NCOA1: variants seen among roughly 807,000 people sequenced by gnomAD.
NCOA1 encodes Hin-2 protein.
Under a neutral mutation model 150.9 loss-of-function variants are expected in NCOA1, and 35 were observed. That is an observed-to-expected ratio of 0.23 (90% CI 0.18 to 0.31). The LOEUF is 0.31. Among genes scored for constraint, NCOA1 ranks in the 10% least tolerant of loss-of-function variants. The pLI is 1.00. For synonymous variants in NCOA1, 590 were observed against 630.0 expected (o/e 0.94, Z 0.95); for missense variants, 1,491 against 1,749.3 (o/e 0.85, Z 2.63).
At chr2:24,522,555 C>T (rs971855883) in intron 1 of NCOA1, among the ~76,000 whole-genome samples, 3 of 152,140 alleles carry the variant, frequency 2.0e-5, no homozygotes, top group African/African-American at 4.8e-5. Flanking sequence ...CCAGAGTGTA[C>T]ACCAGACGGA....
intron 3 of NCOA1, among the ~76,000 whole-genome samples, chr2:24,634,708 A>ACCAC (rs1669857571): frequency 2.5e-5 from 1 of 39,716 alleles, no homozygotes; most frequent in Non-Finnish European, 4.3e-5. Context: ...TAGGGGAGGA[A>ACCAC]CCCCCCCCCC....
At chr2:24,641,285 A>C (rs1670204737) in intron 3 of NCOA1, among the ~76,000 whole-genome samples, 1 of 151,260 alleles carries the variant, frequency 6.6e-6, no homozygotes, top group African/African-American at 2.4e-5. Flanking sequence ...TTAATATATT[A>C]TAAACTCCAC....
chr2:24,624,358 A>C (rs759961756), intron 3 of NCOA1, among the ~76,000 whole-genome samples: 1 of 152,170 alleles, frequency 6.6e-6, no homozygotes, highest in Non-Finnish European at 1.5e-5. Context: ...TAATCAAGTA[A>C]ATTTTTCTAT....
At chr2:24,601,563 T>C (rs1019230795) in intron 3 of NCOA1, among the ~76,000 whole-genome samples, 2 of 151,824 alleles carry the variant, frequency 1.3e-5, no homozygotes, top group Non-Finnish European at 2.9e-5. Context: ...GTTTTATTGA[T>C]TGGGATTACT....
intron 1 of NCOA1, among the ~76,000 whole-genome samples, chr2:24,525,215 A>G (rs571569017): frequency 1.3e-4 from 20 of 152,328 alleles, no homozygotes; most frequent in Admixed American, 2.0e-4. Flanking sequence ...ATGACCTCTC[A>G]CTTACTTGCT....
chr2:24,656,472 T>C (rs1042410593), intron 4 of NCOA1, among the ~76,000 whole-genome samples: 1 of 152,124 alleles, frequency 6.6e-6, no homozygotes, highest in African/African-American at 2.4e-5. Context: ...TTTCTTCGCA[T>C]TGGGAACATT....
At chr2:24,690,791 T>C (rs1672636195) in intron 8 of NCOA1, among the ~76,000 whole-genome samples, 1 of 152,098 alleles carries the variant, frequency 6.6e-6, no homozygotes, top group African/African-American at 2.4e-5. Flanking sequence ...AGATACCTTT[T>C]CAACAACTGA....
intron 19 of NCOA1, among the ~76,000 whole-genome samples, chr2:24,743,301 C>G (rs915347043): frequency 6.6e-6 from 1 of 152,232 alleles, no homozygotes; most frequent in East Asian, 1.9e-4. Context: ...TTTGACATGG[C>G]AGTATGCTTA....
chr2:24,684,015 T>TA (rs1672291806), intron 8 of NCOA1, among the ~76,000 whole-genome samples: 1 of 152,216 alleles, frequency 6.6e-6, no homozygotes, highest in Non-Finnish European at 1.5e-5. Context: ...TTCAGACAGA[T>TA]ACTGTGTGAT....
At chr2:24,497,689 C>A (rs1338054411) in intron 1 of NCOA1, among the ~76,000 whole-genome samples, 1 of 151,698 alleles carries the variant, frequency 6.6e-6, no homozygotes, top group Non-Finnish European at 1.5e-5. Context: ...AAAAAAGATT[C>A]TTGTGCTGTT....
At chr2:24,708,605 T>A (rs949819002) in intron 13 of NCOA1, among the ~76,000 whole-genome samples, 30 of 152,078 alleles carry the variant, frequency 2.0e-4, no homozygotes, top group African/African-American at 6.3e-4. Context: ...TAAAAAAAAA[T>A]ATGGCCCTTC....
intron 1 of NCOA1, among the ~76,000 whole-genome samples, chr2:24,505,134 C>T (rs1387603008): frequency 6.6e-6 from 1 of 151,886 alleles, no homozygotes; most frequent in Non-Finnish European, 1.5e-5. Flanking sequence ...AGTCATCAAT[C>T]CTGAACTTTT....
At chr2:24,763,616 C>CTTTT (rs1179539444) in intron 22 of NCOA1, among the ~76,000 whole-genome samples, 56 of 85,302 alleles carry the variant, frequency 6.6e-4, no homozygotes, top group South Asian at 2.2e-3. Flanking sequence ...GTCTCTCTCT[C>CTTTT]TTTTTTTTTT....
At chr2:24,735,517 A>T (rs1663251985) in intron 17 of NCOA1, among the ~76,000 whole-genome samples, 1 of 152,076 alleles carries the variant, frequency 6.6e-6, no homozygotes, top group South Asian at 2.1e-4. Flanking sequence ...TTAAAAACAG[A>T]TGTTGAAAAA....
chr2:24,545,323 A>G (rs1020600451), intron 1 of NCOA1, among the ~76,000 whole-genome samples: 1 of 152,248 alleles, frequency 6.6e-6, no homozygotes, highest in African/African-American at 2.4e-5. Flanking sequence ...ACAGGAGCCA[A>G]CTGAAAGAGC....
intron 20 of NCOA1, among the ~76,000 whole-genome samples, chr2:24,757,649 C>G (rs1033853677): frequency 6.6e-6 from 1 of 152,038 alleles, no homozygotes; most frequent in Non-Finnish European, 1.5e-5. Context: ...AGGACATTCT[C>G]TGTTTAGATA....
intron 14 of NCOA1, among the ~76,000 whole-genome samples, chr2:24,719,028 CAAAAAAAAAAAAAAA>C (rs59556004): frequency 2.6e-4 from 9 of 34,456 alleles, no homozygotes; most frequent in East Asian, 7.9e-4. Flanking sequence ...GACTCTGTCC[CAAAAAAAAAAAAAAA>C]AAAAAAAAAA....
intron 19 of NCOA1, among the ~76,000 whole-genome samples, chr2:24,745,455 C>G (rs1419677587): frequency 1.3e-5 from 2 of 152,160 alleles, no homozygotes; most frequent in Non-Finnish European, 2.9e-5. Flanking sequence ...AGCCACCGTG[C>G]CTGGCCAGAA....
intron 13 of NCOA1, among the ~76,000 whole-genome samples, chr2:24,709,942 C>T (rs1673648877): frequency 6.6e-6 from 1 of 151,980 alleles, no homozygotes. Context: ...ACTCTAGAAA[C>T]AAAAATTTCA....
Sources: gnomAD v4.1 joint callset for allele counts (sites outside exome capture counted in the v4.1 genomes callset) on GRCh38, gnomAD v4.1.1 for gene constraint, MANE v1.5 for transcripts, NCBI Gene and HGNC (gene_info 2026-07-23, HGNC 2026-07-21) for gene names.